Variants in NELL2 observed in about 807,000 individuals in gnomAD.
NELL2 encodes neural EGFL like 2, also known as protein kinase C-binding protein NELL2.
In NELL2, 41 loss-of-function variants were observed where a neutral mutation model predicts 109.6. The observed-to-expected ratio is 0.37, with a 90% CI of 0.29 to 0.49. NELL2 has a LOEUF of 0.49. NELL2 is among the 20% of genes least tolerant of loss of function. NELL2 has a pLI of 0.98. For missense variants in NELL2, 900 were observed against 1,008.3 expected (o/e 0.89, Z 1.45); for synonymous variants, 355 against 344.7 (o/e 1.03, Z -0.33).
intron 15 of NELL2, among the ~76,000 whole-genome samples, chr12:44,570,973 A>G (rs1271900526): frequency 3.3e-5 from 5 of 152,192 alleles, no homozygotes; most frequent in Non-Finnish European, 7.3e-5. Flanking sequence ...TGCACTGACA[A>G]ACCTATTGGG....
intron 3 of NELL2, among the ~76,000 whole-genome samples, chr12:44,815,273 T>C (rs1943305109): frequency 6.6e-6 from 1 of 152,176 alleles, no homozygotes; most frequent in Non-Finnish European, 1.5e-5. Flanking sequence ...ATACAATCCA[T>C]GTCCAAGAAG....
rs776266603 is a variant in NELL2, at chr12:44,522,088, A to C, written c.2087T>G (p.Leu696Arg). The C allele has an allele frequency of 1.9e-6, 3 of 1,614,138 alleles. No homozygotes were observed. The highest frequency in any genetic ancestry group is 2.2e-5 in the South Asian group (2 of 91,076). The change falls in exon 18 of 20, where the codon CTT (leucine) becomes CGT (arginine). Residue 696 changes from leucine to arginine, a missense_variant. Coordinates refer to ENST00000429094, the MANE Select transcript of NELL2 (RefSeq NM_001145108.2). ...ATTTTGATGGAGGCACTGACTACTA[A>C]GCCTTGGGTCACATTCAGGGCAGCA... is the stretch of plus-strand genomic sequence containing the variant. ...LFCCPECDPR[L>R]SSQCLHQNGE... is the part of the protein sequence containing the mutation.
chr12:44,636,799 A>G lies in NELL2; in HGVS notation c.1445-25829T>C, dbSNP rs564865505. 7.9e-5 allele frequency among the ~76,000 whole-genome samples: 12 copies of G among 152,276 alleles called. No homozygotes were observed. In the East Asian group the frequency reaches 1.4e-3, roughly 17 times the overall value. ...GTATCAGGATGATGCTGGCCTCATA[A>G]AATGAGTTAGGGAGGAGTCCCTCTT... is the stretch of plus-strand genomic sequence containing the variant. On this transcript the variant is annotated intron_variant, in intron 13 of 19. Coordinates refer to ENST00000429094, the MANE Select transcript of NELL2 (RefSeq NM_001145108.2).
upstream of NELL2, among the ~76,000 whole-genome samples, chr12:44,915,940 G>C (rs1036551609): frequency 2.0e-5 from 3 of 152,116 alleles, no homozygotes; most frequent in Non-Finnish European, 4.4e-5. Flanking sequence ...AACACAGTTG[G>C]GCTGAAAGAT....
chr12:44,779,615 C>G (rs1040513233), intron 5 of NELL2, 48 bp downstream of exon 5: 6 of 1,433,024 alleles, frequency 4.2e-6, no homozygotes, highest in Non-Finnish European at 5.9e-6. Flanking sequence ...TTTTGAAACT[C>G]ATTAGAAAGC....
chr12:44,616,409 C>G (rs916707458), intron 13 of NELL2, among the ~76,000 whole-genome samples: 1 of 148,842 alleles, frequency 6.7e-6, no homozygotes. Flanking sequence ...ATAAATTTCA[C>G]GTAAGTAAAT....
chr12:44,703,237 T>TTAAATTAAAAATTTA (rs1937655624), intron 12 of NELL2, among the ~76,000 whole-genome samples: 2 of 152,212 alleles, frequency 1.3e-5, no homozygotes, highest in African/African-American at 2.4e-5. Context: ...AAAAATTAAC[T>TTAAATTAAAAATTTA]AGAAAATGAT....
At chr12:44,553,785 G>A (rs1943134435) in intron 15 of NELL2, among the ~76,000 whole-genome samples, 1 of 152,074 alleles carries the variant, frequency 6.6e-6, no homozygotes, top group South Asian at 2.1e-4. Context: ...TACCACGGAG[G>A]ACAATGAATT....
At chr12:44,604,895 G>GA (rs1326616502) in intron 15 of NELL2, among the ~76,000 whole-genome samples, 3 of 152,100 alleles carry the variant, frequency 2.0e-5, no homozygotes, top group African/African-American at 4.8e-5. Flanking sequence ...GACCAGAATA[G>GA]AAAAAATGGA....
chr12:44,604,102 C>T (rs1945312281), intron 15 of NELL2, among the ~76,000 whole-genome samples: 2 of 151,986 alleles, frequency 1.3e-5, no homozygotes, highest in Non-Finnish European at 2.9e-5. Flanking sequence ...GGGGGCATAA[C>T]AAAAGGCAGA....
chr12:44,912,067 T>C (rs967267580), intron 1 of NELL2, among the ~76,000 whole-genome samples: 5 of 151,850 alleles, frequency 3.3e-5, no homozygotes, highest in Non-Finnish European at 7.4e-5. Flanking sequence ...TCTGTCTATG[T>C]GTTGGGGGAG....
intron 2 of NELL2, among the ~76,000 whole-genome samples, chr12:44,854,858 A>G (rs1944638408): frequency 6.6e-6 from 1 of 152,140 alleles, no homozygotes; most frequent in South Asian, 2.1e-4. Context: ...TAAAATGACT[A>G]TTCCCAACTT....
chr12:44,651,964 T>C (rs1325882712), intron 13 of NELL2, among the ~76,000 whole-genome samples: 1 of 152,154 alleles, frequency 6.6e-6, no homozygotes, highest in Non-Finnish European at 1.5e-5. Context: ...TAATAGGGAT[T>C]AATCTGAAAA....
chr12:44,665,677 T>C (rs1947901369), intron 12 of NELL2, 68 bp from the exon 13 acceptor site: 1 of 1,477,406 alleles, frequency 6.8e-7, no homozygotes, highest in Non-Finnish European at 9.0e-7. Context: ...ATAATTTTCT[T>C]TGGTAGGGAG....
At position 44,654,154 on chromosome 12, in the gene NELL2, G is replaced by A. The variant is rs997427070; in HGVS notation, c.1444+11330C>T. Among the ~76,000 whole-genome samples the A allele has an allele frequency of 4.6e-5, 7 of 152,290 alleles. No individual in the cohort carries two copies. In the South Asian group the frequency reaches 1.5e-3, roughly 32 times the overall value. ...TTTTGGCTACAAATTGTACCATACT[G>A]TGCTGTAATGATTGATTTACACTAT... On this transcript the variant is annotated intron_variant, in intron 13 of 19. Coordinates refer to ENST00000429094, the MANE Select transcript of NELL2 (RefSeq NM_001145108.2).
upstream of NELL2, among the ~76,000 whole-genome samples, chr12:44,915,975 G>C (rs1050098614): frequency 6.6e-6 from 1 of 152,136 alleles, no homozygotes; most frequent in Admixed American, 6.5e-5. Flanking sequence ...TAGTCTAAAA[G>C]CTTTTCAAAT....
upstream of NELL2, among the ~76,000 whole-genome samples, chr12:44,878,095 A>G (rs1404814502): frequency 6.6e-6 from 1 of 152,204 alleles, no homozygotes; most frequent in Non-Finnish European, 1.5e-5. Context: ...ATATTTCCAC[A>G]TAAAAGTCCT....
intron 1 of NELL2, among the ~76,000 whole-genome samples, chr12:44,890,057 A>G (rs1945516378): frequency 6.6e-6 from 1 of 152,244 alleles, no homozygotes; most frequent in Non-Finnish European, 1.5e-5. Flanking sequence ...ATTCAGCATT[A>G]GTTCAGCCAA....
intron 1 of NELL2, 159 bp downstream of exon 1, chr12:44,875,656 G>GGA: frequency 7.5e-7 from 1 of 1,327,298 alleles, no homozygotes; most frequent in Non-Finnish European, 1.0e-6. Flanking sequence ...GGCAAGCACA[G>GGA]AAAAAAAAAA....
Sources: gnomAD v4.1 joint callset for allele counts (sites outside exome capture counted in the v4.1 genomes callset) on GRCh38, gnomAD v4.1.1 for gene constraint, MANE v1.5 for transcripts, NCBI Gene and HGNC (gene_info 2026-07-23, HGNC 2026-07-21) for gene names.